The following NDUFA10 variants were observed in gnomAD, a reference collection of about 807,000 sequenced individuals.
The protein encoded by NDUFA10 is NADH:ubiquinone oxidoreductase subunit A10.
Under a neutral mutation model 47.8 loss-of-function variants are expected in NDUFA10, and 40 were observed. The ratio of observed to expected loss-of-function variants is 0.84; its 90% CI spans 0.65 to 1.09. The LOEUF is 1.09. Among genes scored for constraint, NDUFA10 ranks in the 50% least tolerant of loss-of-function variants. The pLI is 0.00. For missense variants in NDUFA10, 413 were observed against 451.1 expected, an observed-to-expected ratio of 0.92 and a Z score of 0.76; for synonymous variants, 183 against 172.2, an observed-to-expected ratio of 1.06 and a Z score of -0.49.
chr2:239,930,981 C>A (rs535210927), intron 4 of NDUFA10, among the ~76,000 whole-genome samples: 16 of 150,634 alleles, frequency 1.1e-4, no homozygotes, highest in Non-Finnish European at 1.9e-4. Context: ...AGGGGTGTGG[C>A]AGGGAGGGAG....
chr2:239,924,026 C>G (rs1003789167), intron 4 of NDUFA10, among the ~76,000 whole-genome samples: 1 of 152,104 alleles, frequency 6.6e-6, no homozygotes, highest in Non-Finnish European at 1.5e-5. Context: ...AAAACTACAG[C>G]TCATCCAATA....
At chr2:240,005,524 T>C (rs1696916943) in intron 7 of NDUFA10, among the ~76,000 whole-genome samples, 1 of 151,908 alleles carries the variant, frequency 6.6e-6, no homozygotes, top group South Asian at 2.1e-4. Flanking sequence ...ACCTGGCTGA[T>C]GTTTGTATTT....
At chr2:239,969,533 C>A (rs1165500846) in intron 9 of NDUFA10, 3 of 395,650 alleles carry the variant, frequency 7.6e-6, no homozygotes, top group African/African-American at 2.1e-5. Context: ...CTGGTGCCAG[C>A]TGTTCCTGTG....
At chr2:239,964,767 C>T (rs971658800) in intron 9 of NDUFA10, among the ~76,000 whole-genome samples, 1 of 152,202 alleles carries the variant, frequency 6.6e-6, no homozygotes, top group Admixed American at 6.5e-5. Flanking sequence ...AACGGTAACG[C>T]TGTAGTTGGT....
chr2:240,021,090 A>G, intron 3 of NDUFA10, 107 bp downstream of exon 3: 3 of 920,912 alleles, frequency 3.3e-6, no homozygotes, highest in Non-Finnish European at 5.2e-6. Flanking sequence ...AACTCACCTC[A>G]TCAAACACCC....
Position 239,958,350 on chromosome 2 carries a change from G to A in NDUFA10, c.*2768C>T, listed in dbSNP as rs547662754. ...CAATCCAGAAAGCTATAATTGGTAA[G>A]CAGGGCACAGAGAAATTCAAAGCCA... On this transcript the variant is annotated 3_prime_UTR_variant, in exon 10 of 10. Transcript: ENST00000252711. The A allele has an allele frequency of 2.6e-5, 4 of 152,358 alleles. No individual in the cohort carries two copies. Among genetic ancestry groups the A allele is most frequent in the African/African-American group, 4.8e-5 (2 of 41,580 alleles). 9.4% of individuals were successfully genotyped at this position (152,358 alleles called of 1,614,324 possible).
chr2:240,021,533 A>G (rs1697623405), intron 2 of NDUFA10, 121 bp from the exon 3 acceptor site: 9 of 868,920 alleles, frequency 1.0e-5, no homozygotes, highest in Non-Finnish European at 1.7e-5. Flanking sequence ...GGAGCCAATG[A>G]CCTAGAGAAA....
At chr2:239,948,111 T>G (rs1694487441) in intron 4 of NDUFA10, among the ~76,000 whole-genome samples, 1 of 138,074 alleles carries the variant, frequency 7.2e-6, no homozygotes, top group South Asian at 2.2e-4. Context: ...GAGGTTCAGT[T>G]AACGGCAGCA....
intron 4 of NDUFA10, chr2:240,018,268 C>T (rs1324748745): frequency 5.2e-6 from 4 of 763,020 alleles, no homozygotes; most frequent in South Asian, 1.8e-5. Context: ...GAGGTTCTAA[C>T]GGGAGGCTGT....
At chr2:239,980,418 C>A (rs776026748) in intron 9 of NDUFA10, among the ~76,000 whole-genome samples, 4 of 152,218 alleles carry the variant, frequency 2.6e-5, no homozygotes, top group Non-Finnish European at 4.4e-5. Context: ...GGCAAGAATT[C>A]TTTGATCAGC....
intron 9 of NDUFA10, among the ~76,000 whole-genome samples, chr2:239,963,051 G>C (rs770266530): frequency 3.3e-5 from 5 of 152,084 alleles, no homozygotes; most frequent in African/African-American, 7.2e-5. Flanking sequence ...ATCTAAAGGC[G>C]GGGGGGAGGG....
chr2:239,956,541 C>A (rs565137468), downstream of NDUFA10, among the ~76,000 whole-genome samples: 2 of 152,210 alleles, frequency 1.3e-5, no homozygotes, highest in African/African-American at 4.8e-5. Context: ...AAAAGCCTCC[C>A]GTGCTTGGAG....
chr2:240,020,567 T>C (rs1461634451), intron 3 of NDUFA10, among the ~76,000 whole-genome samples: 4 of 152,170 alleles, frequency 2.6e-5, no homozygotes, highest in Non-Finnish European at 1.5e-5. Context: ...TTCATCCACC[T>C]TCCCTTCCTC....
At chr2:239,989,411 T>C (rs1249559677) in intron 9 of NDUFA10, among the ~76,000 whole-genome samples, 1 of 152,232 alleles carries the variant, frequency 6.6e-6, no homozygotes, top group Non-Finnish European at 1.5e-5. Flanking sequence ...ATACAACTAT[T>C]TCACTTTTAC....
At chr2:239,964,130 G>A (rs191063631) in intron 9 of NDUFA10, among the ~76,000 whole-genome samples, 2 of 152,276 alleles carry the variant, frequency 1.3e-5, no homozygotes, top group African/African-American at 4.8e-5. Context: ...AAGTGGTGGA[G>A]ATCTCTATCT....
At chr2:239,981,034 C>T (rs1449563787) in intron 9 of NDUFA10, among the ~76,000 whole-genome samples, 1 of 152,258 alleles carries the variant, frequency 6.6e-6, no homozygotes, top group East Asian at 1.9e-4. Context: ...ACAAAGGTGC[C>T]ATCAATCCCT....
Position 240,007,298 on chromosome 2 carries a change from T to C in NDUFA10, c.804+18A>G, listed in dbSNP as rs374217900. The C allele has an allele frequency of 1.4e-4, 212 of 1,562,956 alleles. No homozygotes were observed. Among genetic ancestry groups the C allele is most frequent in the Middle Eastern group, 1.0e-3 (6 of 5,904 alleles). On this transcript the variant is annotated intron_variant, in intron 7 of 9. Coordinates refer to ENST00000252711, the MANE Select transcript of NDUFA10 (RefSeq NM_004544.4). ...TCAAATGTAGGAATAACTTTCAACT[T>C]TTCAACCATTTTCTTACCTTTTTTG...
At chr2:239,949,441 T>C (rs1406300733) in intron 4 of NDUFA10, among the ~76,000 whole-genome samples, 1 of 152,172 alleles carries the variant, frequency 6.6e-6, no homozygotes, top group Non-Finnish European at 1.5e-5. Context: ...GCAGGCATCC[T>C]CCAGTCCACT....
At chr2:239,899,208 G>A (rs868305706) in intron 4 of NDUFA10, among the ~76,000 whole-genome samples, 2 of 20,402 alleles carry the variant, frequency 9.8e-5, no homozygotes, top group Non-Finnish European at 1.5e-4. Context: ...GTGATGGAGG[G>A]GTGTGGAGGG....
Sources: gnomAD v4.1 joint callset for allele counts (sites outside exome capture counted in the v4.1 genomes callset) on GRCh38, gnomAD v4.1.1 for gene constraint, MANE v1.5 for transcripts, NCBI Gene and HGNC (gene_info 2026-07-23, HGNC 2026-07-21) for gene names.